Variants in CNBD1 observed in about 807,000 individuals in gnomAD.
CNBD1 encodes cyclic nucleotide-binding domain-containing protein 1.
CNBD1 carries 71 observed loss-of-function variants against 54.4 expected under a neutral mutation model. The ratio of observed to expected loss-of-function variants is 1.30; its 90% confidence interval spans 1.08 to 1.59. The LOEUF (loss-of-function observed/expected upper bound fraction) is 1.59. Among genes scored for constraint, CNBD1 ranks in the 40% most tolerant of loss-of-function variants. The probability of loss-of-function intolerance (pLI) is 0.00; values close to 1 mark genes in which losing one functional copy is unlikely to be tolerated. For missense variants in CNBD1, 659 were observed against 518.0 expected, an observed-to-expected ratio of 1.27 and a Z score of -2.64; for synonymous variants, 182 against 170.7, an observed-to-expected ratio of 1.07 and a Z score of -0.51.
chr8:87,121,747 A>G (rs1055460131), intron 4 of CNBD1, among the ~76,000 whole-genome samples: 1 of 151,716 alleles, frequency 6.6e-6, no homozygotes, highest in Non-Finnish European at 1.5e-5. Context: ...GATTTCACAT[A>G]TAAGTAAGAC....
At chr8:87,306,923 G>A (rs1019603258) in intron 8 of CNBD1, among the ~76,000 whole-genome samples, 5 of 151,880 alleles carry the variant, frequency 3.3e-5, no homozygotes, top group Non-Finnish European at 1.5e-5. Flanking sequence ...TAAAATAAAA[G>A]TCAATGTACC....
rs1812095550 is a variant in CNBD1 at position 87,130,494 on chromosome 8, A to G, written c.432-75499A>G. Among the ~76,000 whole-genome samples, 4 of 151,978 alleles carry G rather than the reference A, an allele frequency of 2.6e-5. No individual in the cohort carries two copies. In the South Asian group the frequency reaches 8.3e-4, roughly 32 times the overall value. ...TGGTTGTCTTTTAAAAATTCCTGAG[A>G]GGCTGGGTGTGGTGGTTCACACCTC... On this transcript the variant is annotated intron_variant, in intron 4 of 10. Transcript: ENST00000518476.
chr8:86,956,027 C>G (rs935650650), intron 4 of CNBD1, among the ~76,000 whole-genome samples: 2 of 152,094 alleles, frequency 1.3e-5, no homozygotes, highest in Non-Finnish European at 2.9e-5. Flanking sequence ...AGGAAGGGAT[C>G]CAGTTTCAGC....
intron 4 of CNBD1, among the ~76,000 whole-genome samples, chr8:87,144,416 A>C (rs552769801): frequency 1.3e-5 from 2 of 152,346 alleles, no homozygotes; most frequent in Non-Finnish European, 2.9e-5. Context: ...TATTGGAATG[A>C]TCAAATTTAA....
At chr8:87,049,158 C>A (rs1810261143) in intron 4 of CNBD1, among the ~76,000 whole-genome samples, 1 of 152,190 alleles carries the variant, frequency 6.6e-6, no homozygotes, top group Non-Finnish European at 1.5e-5. Flanking sequence ...CTTTTTGCTG[C>A]TGATTTGGCT....
At chr8:86,945,415 T>C (rs16895171) in intron 4 of CNBD1, among the ~76,000 whole-genome samples, 6,971 of 152,216 alleles carry the variant, frequency 0.046, 321 homozygotes, top group East Asian at 0.21. Flanking sequence ...AACATCAGGG[T>C]TTTTGCCTTT....
At chr8:87,225,972 A>T (rs938593927) in intron 5 of CNBD1, among the ~76,000 whole-genome samples, 1 of 150,720 alleles carries the variant, frequency 6.6e-6, no homozygotes, top group Non-Finnish European at 1.5e-5. Flanking sequence ...GTCTTGGGAG[A>T]GTGTATGTGT....
At chr8:87,348,562 C>T (rs768150655) in intron 8 of CNBD1, among the ~76,000 whole-genome samples, 2 of 152,148 alleles carry the variant, frequency 1.3e-5, no homozygotes, top group Non-Finnish European at 2.9e-5. Flanking sequence ...GGAATCCATT[C>T]AGCTAATGGA....
intron 6 of CNBD1, among the ~76,000 whole-genome samples, chr8:87,269,655 C>G (rs1470977039): frequency 6.6e-6 from 1 of 151,990 alleles, no homozygotes; most frequent in Non-Finnish European, 1.5e-5. Context: ...AGCTGCATTC[C>G]TATGTGTTTT....
chr8:87,395,159 G>A (rs908481306), intron 2 of CNBD1, among the ~76,000 whole-genome samples: 1 of 151,842 alleles, frequency 6.6e-6, no homozygotes. Context: ...AATATTAGGT[G>A]AGCATCATTC....
intron 4 of CNBD1, among the ~76,000 whole-genome samples, chr8:87,133,261 TTTCTC>T (rs1812157978): frequency 6.6e-6 from 1 of 152,158 alleles, no homozygotes; most frequent in Non-Finnish European, 1.5e-5. Flanking sequence ...TATGTTGTCT[TTTCTC>T]TTGTGTATGA....
chr8:87,150,267 C>G (rs1812577089), intron 4 of CNBD1, among the ~76,000 whole-genome samples: 1 of 152,042 alleles, frequency 6.6e-6, no homozygotes, highest in African/African-American at 2.4e-5. Context: ...TTAGAAAGCC[C>G]ATATCATTAG....
At chr8:86,924,679 T>C (rs1007095575) in intron 3 of CNBD1, among the ~76,000 whole-genome samples, 1 of 152,150 alleles carries the variant, frequency 6.6e-6, no homozygotes, top group Admixed American at 6.6e-5. Context: ...TAAGTGAAAA[T>C]GGAACATGAT....
At chr8:87,400,212 ATGGT>A (rs1426408171) in intron 2 of CNBD1, among the ~76,000 whole-genome samples, 1 of 152,010 alleles carries the variant, frequency 6.6e-6, no homozygotes, top group Non-Finnish European at 1.5e-5. Context: ...AACTAGATTT[ATGGT>A]TGGTGCAAAG....
intron 4 of CNBD1, among the ~76,000 whole-genome samples, chr8:86,979,385 G>A (rs1294074970): frequency 6.6e-5 from 4 of 60,976 alleles, no homozygotes; most frequent in Non-Finnish European, 9.5e-5. Context: ...GGGCAACATG[G>A]AGAAAAATCA....
intron 10 of CNBD1, among the ~76,000 whole-genome samples, chr8:87,376,432 C>T (rs982658333): frequency 5.3e-5 from 8 of 151,870 alleles, no homozygotes; most frequent in Admixed American, 2.0e-4. Flanking sequence ...TCACATTGGA[C>T]GTTAGGATTT....
At chr8:87,254,766 G>C (rs1466607323) in intron 6 of CNBD1, among the ~76,000 whole-genome samples, 3 of 152,112 alleles carry the variant, frequency 2.0e-5, no homozygotes, top group Non-Finnish European at 4.4e-5. Context: ...ACAGACACTG[G>C]ACCTTTTAAA....
At chr8:87,206,202 A>G in intron 5 of CNBD1, 64 bp downstream of exon 5, 1 of 1,248,956 alleles carries the variant, frequency 8.0e-7, no homozygotes, top group Non-Finnish European at 1.1e-6. Flanking sequence ...CGAGTTCTTT[A>G]TCATTATAAT....
At chr8:86,917,814 AG>A (rs1809211037) in intron 3 of CNBD1, among the ~76,000 whole-genome samples, 1 of 152,142 alleles carries the variant, frequency 6.6e-6, no homozygotes, top group African/African-American at 2.4e-5. Context: ...ACCCAAACCA[AG>A]TCCAGAAAAA....
Sources: allele counts gnomAD v4.1 joint callset (sites outside exome capture counted in the v4.1 genomes callset), GRCh38; gene constraint gnomAD v4.1.1; transcripts MANE v1.5; gene names NCBI Gene and HGNC (gene_info 2026-07-23, HGNC 2026-07-21).